KIF6: variants seen among roughly 807,000 people sequenced by gnomAD.
KIF6 encodes the protein kinesin family member 6.
A neutral mutation model predicts 112.7 loss-of-function variants in KIF6; 106 were observed. The observed-to-expected ratio is 0.94, with a 90% CI of 0.80 to 1.11. KIF6 has a LOEUF of 1.11. KIF6 is among the 50% of genes least tolerant of loss of function. The pLI is 0.00. For missense variants in KIF6, 929 were observed against 964.0 expected, an observed-to-expected ratio of 0.96 and a Z score of 0.48; for synonymous variants, 339 against 339.9, an observed-to-expected ratio of 1.00 and a Z score of 0.03.
intron 5 of KIF6, among the ~76,000 whole-genome samples, chr6:39,625,588 C>T (rs1784049855): frequency 6.6e-6 from 1 of 152,158 alleles, no homozygotes; most frequent in South Asian, 2.1e-4. Flanking sequence ...CTGGAGTTAG[C>T]TTTAACTTTG....
chr6:39,725,209 C>T, intron 1 of KIF6, 36 bp downstream of exon 1: 1 of 1,592,088 alleles, frequency 6.3e-7, no homozygotes, highest in Non-Finnish European at 8.6e-7. Context: ...CCAAGAGGCC[C>T]CGCCGCGCCG....
chr6:39,541,999 GAAC>G (rs1317176460), intron 12 of KIF6, among the ~76,000 whole-genome samples: 1 of 152,126 alleles, frequency 6.6e-6, no homozygotes, highest in Non-Finnish European at 1.5e-5. Context: ...CGTGTTAGAA[GAAC>G]AACAAGAAGG....
Position 39,376,934 on chromosome 6 carries a change from C to G in KIF6, c.1861+8688G>C, listed in dbSNP as rs1927776. ...ATTTGAGTGGGCGAGAATCCCAAAG[C>G]TGCGCTGTTTGCACAGTGGCTGTCC... On this transcript the variant is annotated intron_variant, in intron 16 of 22. Transcript: ENST00000287152. Among the ~76,000 whole-genome samples, 1,490 of 152,324 alleles carry G rather than the reference C, an allele frequency of 9.8e-3. 30 individuals carry two copies. Among genetic ancestry groups the G allele is most frequent in the African/African-American group, 0.034 (1,426 of 41,560 alleles).
At chr6:39,554,754 C>A in intron 10 of KIF6, 1 of 162,714 alleles carries the variant, frequency 6.1e-6, no homozygotes, top group Non-Finnish European at 1.4e-5. Context: ...CGAAGAGCTG[C>A]CACTCTTGGA....
chr6:39,336,844 G>A (rs1297603190), intron 22 of KIF6, among the ~76,000 whole-genome samples: 2 of 150,712 alleles, frequency 1.3e-5, no homozygotes, highest in Non-Finnish European at 3.0e-5. Context: ...CTCTGTCACC[G>A]AGGCTGGAGT....
intron 3 of KIF6, among the ~76,000 whole-genome samples, chr6:39,670,623 G>A (rs1318312910): frequency 6.6e-6 from 1 of 152,044 alleles, no homozygotes; most frequent in African/African-American, 2.4e-5. Context: ...GACAGAGGTG[G>A]GAGAAAATGG....
At chr6:39,362,410 G>T in intron 17 of KIF6, 24 bp downstream of exon 17, 2 of 1,584,732 alleles carry the variant, frequency 1.3e-6, no homozygotes, top group East Asian at 2.2e-5. Flanking sequence ...GGCTCGGACT[G>T]TGTGTGGCTA....
intron 13 of KIF6, among the ~76,000 whole-genome samples, chr6:39,440,415 T>A (rs767385240): frequency 6.6e-6 from 1 of 152,166 alleles, no homozygotes; most frequent in Non-Finnish European, 1.5e-5. Flanking sequence ...TGGGCAGAGA[T>A]CAAGTGTGTT....
At chr6:39,608,515 A>T (rs1206164960) in intron 6 of KIF6, among the ~76,000 whole-genome samples, 1 of 152,220 alleles carries the variant, frequency 6.6e-6, no homozygotes, top group African/African-American at 2.4e-5. Flanking sequence ...TACTGCATGC[A>T]TATCACTTTC....
intron 13 of KIF6, among the ~76,000 whole-genome samples, chr6:39,476,480 T>C (rs1774434301): frequency 6.6e-6 from 1 of 152,148 alleles, no homozygotes; most frequent in African/African-American, 2.4e-5. Flanking sequence ...GCGAAGAAAC[T>C]CAAGCTTCTA....
At chr6:39,482,099 G>A (rs1297137760) in intron 13 of KIF6, among the ~76,000 whole-genome samples, 4 of 151,996 alleles carry the variant, frequency 2.6e-5, no homozygotes, top group African/African-American at 9.7e-5. Flanking sequence ...AGCTTTCTGG[G>A]TCTTACTAAG....
At chr6:39,344,778 G>A (rs1763579742) in intron 21 of KIF6, among the ~76,000 whole-genome samples, 1 of 152,146 alleles carries the variant, frequency 6.6e-6, no homozygotes, top group Non-Finnish European at 1.5e-5. Context: ...ACGTGGCTTA[G>A]CTAGTTGACC....
intron 16 of KIF6, among the ~76,000 whole-genome samples, chr6:39,369,765 C>T (rs553762287): frequency 6.6e-6 from 1 of 152,290 alleles, no homozygotes; most frequent in South Asian, 2.1e-4. Context: ...GGAAGACATT[C>T]CTAATCTTAT....
chr6:39,658,492 C>T (rs939901914), intron 3 of KIF6, among the ~76,000 whole-genome samples: 1 of 152,052 alleles, frequency 6.6e-6, no homozygotes, highest in Non-Finnish European at 1.5e-5. Context: ...AAAAATTATA[C>T]CTAATACTCT....
intron 5 of KIF6, among the ~76,000 whole-genome samples, chr6:39,622,155 G>A (rs1340320970): frequency 1.2e-4 from 17 of 143,716 alleles, no homozygotes; most frequent in Admixed American, 7.6e-4. Context: ...CAACAAAAGC[G>A]AAAATCCAGC....
chr6:39,383,800 C>G (rs1213730668), intron 16 of KIF6, among the ~76,000 whole-genome samples: 1 of 152,054 alleles, frequency 6.6e-6, no homozygotes, highest in African/African-American at 2.4e-5. Flanking sequence ...GAATGCTTTT[C>G]CATTTGTTTG....
chr6:39,506,559 C>T (rs1776438798), intron 13 of KIF6, among the ~76,000 whole-genome samples: 2 of 152,110 alleles, frequency 1.3e-5, no homozygotes, highest in South Asian at 4.1e-4. Context: ...TTGGTCTCTG[C>T]CCCTGGTTCC....
At chr6:39,347,420 C>T (rs1169974893) in intron 19 of KIF6, among the ~76,000 whole-genome samples, 2 of 152,236 alleles carry the variant, frequency 1.3e-5, no homozygotes, top group African/African-American at 4.8e-5. Flanking sequence ...TGCGCCTTGC[C>T]TTGGATTCCT....
intron 3 of KIF6, among the ~76,000 whole-genome samples, chr6:39,682,173 A>G (rs554248329): frequency 2.4e-4 from 36 of 152,364 alleles, no homozygotes; most frequent in African/African-American, 8.4e-4. Flanking sequence ...ATCAGAAAGC[A>G]TAAGTACTGT....
Sources: gnomAD v4.1 joint callset for allele counts (sites outside exome capture counted in the v4.1 genomes callset) on GRCh38, gnomAD v4.1.1 for gene constraint, MANE v1.5 for transcripts, NCBI Gene and HGNC (gene_info 2026-07-23, HGNC 2026-07-21) for gene names.